Variants in SKAP1 observed in about 807,000 individuals in gnomAD.
SKAP1 encodes src kinase associated phosphoprotein 1.
A neutral mutation model predicts 58.5 loss-of-function variants in SKAP1; 44 were observed. The observed-to-expected ratio is 0.75, with a 90% CI of 0.59 to 0.97. The LOEUF (loss-of-function observed/expected upper bound fraction) is 0.97, where lower values mean the gene tolerates loss of function less well. SKAP1 is among the 50% of genes least tolerant of loss of function. The pLI, the probability that SKAP1 is intolerant of heterozygous loss-of-function variation, is 0.00. For synonymous variants in SKAP1, 127 were observed against 149.7 expected (o/e 0.85, Z 1.11); for missense variants, 390 against 435.2 (o/e 0.90, Z 0.92).
At chr17:48,401,193 C>A (rs1310602543) in intron 1 of SKAP1, among the ~76,000 whole-genome samples, 1 of 151,980 alleles carries the variant, frequency 6.6e-6, no homozygotes. Flanking sequence ...GTAATCCCAG[C>A]CACTTGGGAG....
intron 2 of SKAP1, among the ~76,000 whole-genome samples, chr17:48,382,952 G>C (rs1161694123): frequency 2.0e-5 from 3 of 152,156 alleles, no homozygotes; most frequent in African/African-American, 7.2e-5. Flanking sequence ...GATTATCTGG[G>C]GGTAGTGGGC....
At chr17:48,417,035 T>A (rs2067739835) in intron 1 of SKAP1, among the ~76,000 whole-genome samples, 1 of 152,244 alleles carries the variant, frequency 6.6e-6, no homozygotes, top group South Asian at 2.1e-4. Flanking sequence ...AAACTTTTGA[T>A]CTGAAAAATG....
rs146750859 is a variant in SKAP1 at position 48,162,482 on chromosome 17, C to T, written c.965G>A (p.Arg322His). Residue 322 changes from arginine to histidine, a missense_variant, in exon 11 of 13, where the codon CGT becomes CAT. Arg to His is a conservative substitution (Grantham distance 29). Coordinates refer to ENST00000336915, the MANE Select transcript of SKAP1 (RefSeq NM_003726.4). Reference sequence around the variant, plus strand: ...TTCTGTCCTTACCTTGCTCAGAATACGGATGAGGTCACCCCGTTGGAAGGA... The same window carrying T: ...TTCTGTCCTTACCTTGCTCAGAATATGGATGAGGTCACCCCGTTGGAAGGA... ...ELSFQRGDLI[R>H]ILSKEYNMYG... The T allele has an allele frequency of 9.8e-5, 158 of 1,613,018 alleles. 2 individuals carry two copies. Among genetic ancestry groups the T allele is most frequent in the African/African-American group, 3.6e-4 (27 of 74,890 alleles).
At chr17:48,401,312 G>GAA (rs71141991) in intron 1 of SKAP1, among the ~76,000 whole-genome samples, 1 of 143,222 alleles carries the variant, frequency 7.0e-6, no homozygotes, top group Non-Finnish European at 1.5e-5. Context: ...TCTCAAAAAA[G>GAA]AAAAAAAAAA....
chr17:48,266,415 C>T (rs1010992408), intron 4 of SKAP1, among the ~76,000 whole-genome samples: 1 of 152,038 alleles, frequency 6.6e-6, no homozygotes, highest in African/African-American at 2.4e-5. Flanking sequence ...AATAAATACA[C>T]TATTGAAACC....
rs544541427 is a variant in SKAP1, at chr17:48,207,392, A to G, written c.281-17892T>C. 1.2e-3 allele frequency among the ~76,000 whole-genome samples: 183 copies of G among 151,928 alleles called. 1 individual carries two copies. The highest frequency in any genetic ancestry group is 4.3e-3 in the African/African-American group (180 of 41,404). On this transcript the variant is annotated intron_variant, in intron 4 of 12. Transcript: ENST00000336915. ...TCCCAGCTACTCAGGAGGCTGAGGC[A>G]CAAGAATTGCTTGAGCCTGGGAGGC... is the stretch of plus-strand genomic sequence containing the variant.
chr17:48,218,819 G>A (rs1196352382), intron 4 of SKAP1, among the ~76,000 whole-genome samples: 1 of 152,086 alleles, frequency 6.6e-6, no homozygotes, highest in African/African-American at 2.4e-5. Context: ...TTCTATTGTA[G>A]GGTGATGCTT....
In SKAP1 at chr17:48,184,738, A is replaced by G. The variant is rs1221316630; in HGVS notation, c.552T>C (p.Asp184=). ...TGCGTCCTACCTCATAGCTGCGCCT[A>G]TCCTGGGAGGTCAGTTCAAAGCAGG... ...KESCFELTSQ[D]RRSYEFTATS... The change falls in exon 7 of 13, where the codon GAT becomes GAC. Residue 184 remains aspartate, a synonymous_variant. Transcript: ENST00000336915. 2 of 1,614,026 alleles carry G rather than the reference A, an allele frequency of 1.2e-6. No individual in the cohort carries two copies. Among genetic ancestry groups the G allele is most frequent in the Admixed American group, 1.7e-5 (1 of 60,020 alleles).
intron 4 of SKAP1, among the ~76,000 whole-genome samples, chr17:48,318,827 T>C (rs1240570983): frequency 1.3e-5 from 2 of 152,362 alleles, no homozygotes; most frequent in African/African-American, 4.8e-5. Context: ...ATTGCACCAC[T>C]GTTTAGCCTG....
intron 4 of SKAP1, among the ~76,000 whole-genome samples, chr17:48,304,991 A>G (rs2066117142): frequency 6.6e-6 from 1 of 152,186 alleles, no homozygotes; most frequent in African/African-American, 2.4e-5. Context: ...TTGAGAGGCA[A>G]TATAGTATAG....
At chr17:48,145,780 T>TC (rs1422986098) in intron 11 of SKAP1, among the ~76,000 whole-genome samples, 1 of 152,138 alleles carries the variant, frequency 6.6e-6, no homozygotes, top group African/African-American at 2.4e-5. Context: ...CTTCCATGGC[T>TC]CCCCTGGAGT....
intron 3 of SKAP1, among the ~76,000 whole-genome samples, chr17:48,354,092 C>T (rs899724627): frequency 5.3e-5 from 8 of 152,074 alleles, no homozygotes; most frequent in African/African-American, 9.7e-5. Context: ...GTAAGATTAG[C>T]AGGCCTAAAC....
chr17:48,213,430 C>T (rs1404993850), intron 4 of SKAP1, among the ~76,000 whole-genome samples: 1 of 151,832 alleles, frequency 6.6e-6, no homozygotes, highest in African/African-American at 2.4e-5. Context: ...CCAGAAGTAC[C>T]TCTATGCAAA....
chr17:48,325,372 G>T (rs555894878), intron 4 of SKAP1, among the ~76,000 whole-genome samples: 1 of 150,374 alleles, frequency 6.7e-6, no homozygotes. Flanking sequence ...GCTCTCATAT[G>T]ACCATTTATG....
chr17:48,148,681 A>G (rs1029926270), intron 11 of SKAP1, among the ~76,000 whole-genome samples: 1 of 152,080 alleles, frequency 6.6e-6, no homozygotes, highest in Non-Finnish European at 1.5e-5. Flanking sequence ...TCACCTCCCT[A>G]CTGCACTTCA....
intron 4 of SKAP1, among the ~76,000 whole-genome samples, chr17:48,210,376 C>T (rs1309829385): frequency 6.6e-6 from 1 of 152,142 alleles, no homozygotes; most frequent in Non-Finnish European, 1.5e-5. Context: ...TTTATTTTTA[C>T]AAAGTTCTAT....
intron 2 of SKAP1, among the ~76,000 whole-genome samples, chr17:48,374,635 C>T (rs1193081548): frequency 6.6e-6 from 1 of 152,218 alleles, no homozygotes; most frequent in Non-Finnish European, 1.5e-5. Context: ...TATTTATGCC[C>T]AAGGAAATGG....
chr17:48,361,071 GTACTA>G (rs67180445), intron 3 of SKAP1, among the ~76,000 whole-genome samples: 46,757 of 145,258 alleles, frequency 0.32, 7,531 homozygotes, highest in Non-Finnish European at 0.34. Context: ...AACTTGTACT[GTACTA>G]TACTATACTA....
chr17:48,354,015 T>A (rs182710085), intron 3 of SKAP1, among the ~76,000 whole-genome samples: 472 of 151,762 alleles, frequency 3.1e-3, no homozygotes, highest in Non-Finnish European at 5.4e-3. Context: ...CAGGTAGATA[T>A]AAGAAATGTT....
Sources: allele counts gnomAD v4.1 joint callset (sites outside exome capture counted in the v4.1 genomes callset), GRCh38; gene constraint gnomAD v4.1.1; transcripts MANE v1.5; gene names NCBI Gene and HGNC (gene_info 2026-07-23, HGNC 2026-07-21).